The following PPARG variants were observed in gnomAD, a reference collection of about 807,000 sequenced individuals.
The protein encoded by PPARG is peroxisome proliferator activated receptor gamma.
A neutral mutation model predicts 39.2 loss-of-function variants in PPARG; 17 were observed. The observed-to-expected ratio is 0.43, with a 90% CI of 0.30 to 0.65. The LOEUF is 0.65. PPARG is among the 30% of genes least tolerant of loss of function. The probability of loss-of-function intolerance (pLI) is 0.13; values close to 1 mark genes in which losing one functional copy is unlikely to be tolerated. For synonymous variants in PPARG, 223 were observed against 215.7 expected (o/e 1.03, Z -0.30); for missense variants, 406 against 585.9 (o/e 0.69, Z 3.17).
intron 2 of PPARG, among the ~76,000 whole-genome samples, chr3:12,370,007 T>C (rs2049152657): frequency 6.6e-6 from 1 of 152,174 alleles, no homozygotes; most frequent in South Asian, 2.1e-4. Context: ...TCCACCTCTC[T>C]CCTGTCTTTC....
At chr3:12,358,745 A>G (rs1413636083) in intron 2 of PPARG, among the ~76,000 whole-genome samples, 2 of 152,210 alleles carry the variant, frequency 1.3e-5, no homozygotes, top group Non-Finnish European at 2.9e-5. Flanking sequence ...TCTGTTTGCC[A>G]TTGATACAGT....
chr3:12,392,541 A>G, intron 4 of PPARG, 73 bp from the exon 5 acceptor site: 17 of 1,551,976 alleles, frequency 1.1e-5, no homozygotes, highest in Non-Finnish European at 1.5e-5. Context: ...AGGCCAGTAT[A>G]CCTTTCGCTG....
intron 7 of PPARG, among the ~76,000 whole-genome samples, chr3:12,429,844 C>T (rs549584498): frequency 6.6e-6 from 1 of 152,304 alleles, no homozygotes; most frequent in South Asian, 2.1e-4. Context: ...GAGGAAGACC[C>T]CATGCTCCCA....
At chr3:12,412,427 A>C (rs1277865222) in intron 6 of PPARG, among the ~76,000 whole-genome samples, 1 of 151,730 alleles carries the variant, frequency 6.6e-6, no homozygotes, top group Non-Finnish European at 1.5e-5. Flanking sequence ...GAAAATCAAA[A>C]TATATTTTTG....
intron 2 of PPARG, among the ~76,000 whole-genome samples, chr3:12,330,291 A>C (rs903997091): frequency 3.9e-5 from 5 of 127,312 alleles, no homozygotes; most frequent in Admixed American, 8.3e-5. Flanking sequence ...CATTGCTACA[A>C]CACCTTTTTT....
intron 5 of PPARG, among the ~76,000 whole-genome samples, chr3:12,395,472 A>G (rs2050225661): frequency 6.6e-6 from 1 of 152,232 alleles, no homozygotes; most frequent in Non-Finnish European, 1.5e-5. Context: ...GAGAAAGTAT[A>G]AATGGCATCC....
chr3:12,405,891 T>C lies in PPARG; in HGVS notation c.539T>C (p.Phe180Ser). ...TCCTCTTCCTCTATAGCCATCAGGTTTGGGCGGATGCCACAGGCCGAGAAG... is the reference window on the plus strand; with the variant it reads ...TCCTCTTCCTCTATAGCCATCAGGTCTGGGCGGATGCCACAGGCCGAGAAG... ...AVGMSHNAIR[F>S]GRMPQAEKEK... Residue 180 changes from phenylalanine (F) to serine (S), a missense_variant, in exon 6 of 8, where the codon TTT (phenylalanine) becomes TCT (serine). Phe to Ser is a radical substitution (Grantham distance 155). Coordinates refer to ENST00000651735, the MANE Select transcript of PPARG (RefSeq NM_138711.6). The C allele has an allele frequency of 6.2e-7, 1 of 1,613,968 alleles. No homozygotes were observed.
At chr3:12,426,875 G>A (rs1246624910) in intron 7 of PPARG, among the ~76,000 whole-genome samples, 2 of 152,190 alleles carry the variant, frequency 1.3e-5, no homozygotes, top group Non-Finnish European at 2.9e-5. Flanking sequence ...TACCTAGCTT[G>A]CAAAGTTGTA....
chr3:12,334,928 A>G (rs79644791), intron 2 of PPARG, among the ~76,000 whole-genome samples: 4,864 of 152,256 alleles, frequency 0.032, 266 homozygotes, highest in East Asian at 0.28. Context: ...CTTAACTTTT[A>G]CTTACGACTA....
At chr3:12,385,987 CA>C (rs2049854838) in intron 4 of PPARG, among the ~76,000 whole-genome samples, 1 of 152,116 alleles carries the variant, frequency 6.6e-6, no homozygotes, top group Non-Finnish European at 1.5e-5. Flanking sequence ...TTCTAGCAGA[CA>C]AATGTGCAGA....
At chr3:12,401,346 G>C (rs1411824504) in intron 5 of PPARG, among the ~76,000 whole-genome samples, 1 of 152,162 alleles carries the variant, frequency 6.6e-6, no homozygotes, top group African/African-American at 2.4e-5. Flanking sequence ...TTCAGATTCT[G>C]TTCTTTCTCT....
At chr3:12,301,037 ATTG>A (rs1402195408) in intron 1 of PPARG, among the ~76,000 whole-genome samples, 1 of 152,216 alleles carries the variant, frequency 6.6e-6, no homozygotes, top group African/African-American at 2.4e-5. Flanking sequence ...TATTTTATGT[ATTG>A]TTTTTGTGAT....
At chr3:12,288,785 C>T (rs1310038499), upstream of PPARG, 1 of 152,250 alleles carries the variant, frequency 6.6e-6, no homozygotes, top group Non-Finnish European at 1.5e-5. Flanking sequence ...GGATGGAGCG[C>T]GCAGCCAGGA....
intron 5 of PPARG, among the ~76,000 whole-genome samples, chr3:12,402,742 G>C (rs2050520358): frequency 6.6e-6 from 1 of 152,134 alleles, no homozygotes; most frequent in Non-Finnish European, 1.5e-5. Context: ...GAGTGACTCT[G>C]ATAGGCTCTG....
At chr3:12,349,585 C>A (rs192244287) in intron 2 of PPARG, among the ~76,000 whole-genome samples, 42 of 152,258 alleles carry the variant, frequency 2.8e-4, no homozygotes, top group African/African-American at 9.9e-4. Context: ...TGTTTTTTGA[C>A]ACATCCGTCT....
intron 5 of PPARG, among the ~76,000 whole-genome samples, chr3:12,405,351 A>G (rs1559527483): frequency 6.6e-6 from 1 of 152,246 alleles, no homozygotes; most frequent in African/African-American, 2.4e-5. Flanking sequence ...CTGGACTAGT[A>G]AAATGTGATA....
chr3:12,321,082 C>T (rs954980129), intron 2 of PPARG, among the ~76,000 whole-genome samples: 1 of 152,122 alleles, frequency 6.6e-6, no homozygotes, highest in African/African-American at 2.4e-5. Context: ...GTTAGAGGCC[C>T]ACATCAGTAC....
At chr3:12,408,823 G>A (rs1383969696) in intron 6 of PPARG, among the ~76,000 whole-genome samples, 3 of 127,676 alleles carry the variant, frequency 2.3e-5, no homozygotes, top group African/African-American at 1.0e-4. Flanking sequence ...GTACCAGAAA[G>A]TCAGGCAAAA....
At chr3:12,320,704 G>A (rs999360236) in intron 2 of PPARG, among the ~76,000 whole-genome samples, 11 of 152,054 alleles carry the variant, frequency 7.2e-5, no homozygotes, top group African/African-American at 2.7e-4. Flanking sequence ...GTGAGACCCT[G>A]TCTCTGCAAA....
Sources: gnomAD v4.1 joint callset for allele counts (sites outside exome capture counted in the v4.1 genomes callset) on GRCh38, gnomAD v4.1.1 for gene constraint, MANE v1.5 for transcripts, NCBI Gene and HGNC (gene_info 2026-07-23, HGNC 2026-07-21) for gene names.